ZMYND8: variants seen among roughly 807,000 people sequenced by gnomAD.
The protein encoded by ZMYND8 is MYND-type zinc finger-containing chromatin reader ZMYND8.
ZMYND8 carries 37 observed loss-of-function variants against 140.8 expected under a neutral mutation model. The observed-to-expected ratio is 0.26, with a 90% CI of 0.20 to 0.35. The LOEUF is 0.35. ZMYND8 is among the 10% of genes least tolerant of loss of function. The pLI is 1.00. For missense variants in ZMYND8, 1,068 were observed against 1,570.0 expected, an observed-to-expected ratio of 0.68 and a Z score of 5.40; for synonymous variants, 592 against 597.1, an observed-to-expected ratio of 0.99 and a Z score of 0.12.
At chr20:47,328,167 A>C (rs2080610783) in intron 2 of ZMYND8, among the ~76,000 whole-genome samples, 1 of 152,200 alleles carries the variant, frequency 6.6e-6, no homozygotes, top group Non-Finnish European at 1.5e-5. Flanking sequence ...GGACAGGGGA[A>C]GCAGAGAAGG....
intron 14 of ZMYND8, among the ~76,000 whole-genome samples, chr20:47,241,819 CTT>C (rs536750853): frequency 1.2e-4 from 16 of 137,792 alleles, no homozygotes; most frequent in East Asian, 4.2e-4. Context: ...TTTTTCTTTT[CTT>C]TTTTTTTTTT....
chr20:47,245,572 G>C (rs571841135), intron 14 of ZMYND8, among the ~76,000 whole-genome samples: 9 of 152,180 alleles, frequency 5.9e-5, no homozygotes, highest in Non-Finnish European at 1.2e-4. Flanking sequence ...AACCGTTTGA[G>C]ACTTGTCAAA....
At chr20:47,269,840 G>T (rs548780356) in intron 11 of ZMYND8, among the ~76,000 whole-genome samples, 18 of 152,334 alleles carry the variant, frequency 1.2e-4, no homozygotes, top group Non-Finnish European at 2.2e-4. Flanking sequence ...CTCCTATGGT[G>T]CCATGCACAG....
intron 2 of ZMYND8, among the ~76,000 whole-genome samples, chr20:47,332,019 T>C (rs8124067): frequency 0.078 from 11,726 of 151,274 alleles, 1,453 homozygotes; most frequent in African/African-American, 0.26. Flanking sequence ...CTGACCAACA[T>C]GGTGAAACCC....
At chr20:47,316,441 G>A (rs570414267) in intron 2 of ZMYND8, among the ~76,000 whole-genome samples, 1 of 151,976 alleles carries the variant, frequency 6.6e-6, no homozygotes, top group South Asian at 2.1e-4. Context: ...TGATTTAAGG[G>A]GCATCTTAAT....
At position 47,246,257 on chromosome 20, in the gene ZMYND8, C is replaced by G. The variant is rs374112592; in HGVS notation, c.2035G>C (p.Asp679His). ...GCCTTGTCCTTGACTGCTCCAGGGT[C>G]TGCCTTCTCGCTGGCTGGTGACGTG... The part of the protein sequence containing the change: ...KSTSPASEKA[D>H]PGAVKDKASP... The change falls in exon 14 of 23, where the codon GAC becomes CAC. Residue 679 changes from aspartate to histidine, a missense_variant. Around this residue, in one of 10 missense-constraint regions of ZMYND8, gnomAD observed 383 missense variants for 431.2 expected, o/e 0.89. Transcript: ENST00000471951. 7 of 1,614,196 alleles carry G rather than the reference C, an allele frequency of 4.3e-6. No homozygotes were observed. The highest frequency in any genetic ancestry group is 2.7e-5 in the African/African-American group (2 of 75,046).
chr20:47,288,553 C>G (rs1046567356), intron 7 of ZMYND8, among the ~76,000 whole-genome samples: 3 of 152,118 alleles, frequency 2.0e-5, no homozygotes, highest in African/African-American at 7.2e-5. Flanking sequence ...GCCACCACAC[C>G]CAACTAATTT....
intron 12 of ZMYND8, among the ~76,000 whole-genome samples, chr20:47,257,418 C>T (rs1360081462): frequency 6.6e-6 from 1 of 151,846 alleles, no homozygotes; most frequent in Non-Finnish European, 1.5e-5. Context: ...TACTCATATG[C>T]CATACACACA....
chr20:47,257,950 T>C (rs1452886516), intron 12 of ZMYND8, among the ~76,000 whole-genome samples: 1 of 152,150 alleles, frequency 6.6e-6, no homozygotes, highest in African/African-American at 2.4e-5. Context: ...CTTGAACTCC[T>C]GGGCTCAAGC....
chr20:47,310,768 A>G (rs973861612), intron 2 of ZMYND8, among the ~76,000 whole-genome samples: 6 of 138,176 alleles, frequency 4.3e-5, no homozygotes, highest in East Asian at 2.2e-4. Flanking sequence ...CCTGGGGGAC[A>G]GGGCAAGCCT....
intron 19 of ZMYND8, 35 bp downstream of exon 19, chr20:47,224,282 A>T: frequency 6.2e-7 from 1 of 1,611,038 alleles, no homozygotes; most frequent in South Asian, 1.1e-5. Flanking sequence ...AAGCCACTGC[A>T]GCCCAGGACG....
intron 11 of ZMYND8, among the ~76,000 whole-genome samples, chr20:47,271,232 G>A (rs572003966): frequency 3.3e-5 from 5 of 152,152 alleles, no homozygotes; most frequent in African/African-American, 1.2e-4. Context: ...CCTATTAGCC[G>A]TGTGTAACAC....
intron 15 of ZMYND8, among the ~76,000 whole-genome samples, 200 bp from the exon 16 acceptor site, chr20:47,236,716 T>C (rs2039282917): frequency 2.0e-5 from 3 of 152,214 alleles, no homozygotes; most frequent in South Asian, 4.1e-4. Context: ...TGAGCAAACA[T>C]TGACAGTTTC....
intron 18 of ZMYND8, among the ~76,000 whole-genome samples, chr20:47,226,513 AT>A (rs1213352142): frequency 2.0e-5 from 3 of 152,330 alleles, no homozygotes; most frequent in East Asian, 3.9e-4. Context: ...GCATCCAGAT[AT>A]TGTTAAAGTG....
Position 47,220,243 on chromosome 20 carries a change from C to A in ZMYND8, c.3484+15G>T. The A allele has an allele frequency of 1.3e-6, 2 of 1,555,444 alleles. No homozygotes were observed. Among genetic ancestry groups the A allele is most frequent in the South Asian group, 2.4e-5 (2 of 84,314 alleles). On this transcript the variant is annotated intron_variant, in intron 21 of 22. Coordinates refer to ENST00000471951, the MANE Select transcript of ZMYND8 (RefSeq NM_001281775.3). ...AAATGTGAAAGCACCGTTCGCCCAC[C>A]AGGGGGCAACATACCAGAGCCTTGG...
At chr20:47,336,544 G>T (rs16992512) in intron 2 of ZMYND8, among the ~76,000 whole-genome samples, 4,458 of 152,222 alleles carry the variant, frequency 0.029, 217 homozygotes, top group African/African-American at 0.1. Flanking sequence ...AATTCAACCC[G>T]CGGAGTACAT....
chr20:47,220,135 T>C (rs1355973879), intron 21 of ZMYND8, 123 bp downstream of exon 21: 7 of 509,522 alleles, frequency 1.4e-5, no homozygotes, highest in South Asian at 1.1e-4. Context: ...CAGGCACCCC[T>C]AAGGATCCAT....
At position 47,298,318 on chromosome 20, in the gene ZMYND8, TTCTCAG is replaced by T; in HGVS notation, c.453+405_453+410del. 1.0e-6 allele frequency: 1 copy of T among 985,424 alleles called. No homozygotes were observed. The allele number at this position is 985,424 out of a possible 1,614,324, so 61.0% of individuals were successfully genotyped here. On this transcript the variant is annotated intron_variant, in intron 4 of 22. Transcript: ENST00000471951. The surrounding 1 kb of genome is among the most constrained non-coding windows in gnomAD (Gnocchi z 5.0). ...AGGGAACATGCAACCAAACGTGGTC[TTCTCAG>T]CTTGGCTACTGCTGATGATTCAATG...
chr20:47,328,908 C>T (rs901059504), intron 2 of ZMYND8, among the ~76,000 whole-genome samples: 1 of 152,202 alleles, frequency 6.6e-6, no homozygotes, highest in African/African-American at 2.4e-5. Context: ...TGCATAATTA[C>T]GGTAAAGCAT....
Sources: allele counts gnomAD v4.1 joint callset (sites outside exome capture counted in the v4.1 genomes callset), GRCh38; gene constraint gnomAD v4.1.1; regional missense constraint gnomAD v4.1.1; non-coding constraint Gnocchi (gnomAD v3.1); transcripts MANE v1.5; gene names NCBI Gene and HGNC (gene_info 2026-07-23, HGNC 2026-07-21).